Variants in ADAMTSL3 observed in about 807,000 individuals in gnomAD.
ADAMTSL3 encodes ADAMTS-like protein 3.
ADAMTSL3 carries 128 observed loss-of-function variants against 201.7 expected under a neutral mutation model. The observed-to-expected ratio is 0.63, with a 90% CI of 0.55 to 0.73. The LOEUF (loss-of-function observed/expected upper bound fraction) is 0.73, where lower values mean the gene tolerates loss of function less well. Ranked by LOEUF, ADAMTSL3 falls within the 30% of genes least tolerant of loss-of-function variation. The pLI is 0.00. For synonymous variants in ADAMTSL3, 738 were observed against 748.4 expected (o/e 0.99, Z 0.23); for missense variants, 1,990 against 2,119.6 (o/e 0.94, Z 1.20).
intron 2 of ADAMTSL3, among the ~76,000 whole-genome samples, chr15:83,672,185 T>C (rs148744936): frequency 2.0e-5 from 3 of 152,336 alleles, no homozygotes; most frequent in African/African-American, 7.2e-5. Context: ...TGAGGGTTGG[T>C]ATAGCTCATT....
At chr15:83,780,517 G>C (rs546686512) in intron 4 of ADAMTSL3, among the ~76,000 whole-genome samples, 1 of 152,124 alleles carries the variant, frequency 6.6e-6, no homozygotes, top group South Asian at 2.1e-4. Flanking sequence ...TACCAAGTGG[G>C]TGAAAGCTGG....
chr15:83,838,043 C>G (rs770468838), intron 6 of ADAMTSL3, 46 bp from the exon 7 acceptor site: 5 of 1,580,688 alleles, frequency 3.2e-6, no homozygotes, highest in Middle Eastern at 1.7e-4. Flanking sequence ...AGAGCTCCCC[C>G]TCCCCTGGCT....
At chr15:83,948,441 CACACAG>C (rs2066698047) in intron 19 of ADAMTSL3, among the ~76,000 whole-genome samples, 1 of 151,506 alleles carries the variant, frequency 6.6e-6, no homozygotes, top group African/African-American at 2.4e-5. Flanking sequence ...CACACACACA[CACACAG>C]AGTTATGAAT....
intron 4 of ADAMTSL3, among the ~76,000 whole-genome samples, chr15:83,803,028 T>C (rs529101364): frequency 1.6e-4 from 24 of 152,194 alleles, no homozygotes; most frequent in Non-Finnish European, 3.4e-4. Flanking sequence ...AAATAATGCT[T>C]GTATAATGGA....
At chr15:83,819,680 G>T in intron 5 of ADAMTSL3, 131 bp from the exon 6 acceptor site, 63 of 530,574 alleles carry the variant, frequency 1.2e-4, no homozygotes, top group Non-Finnish European at 1.8e-4. Context: ...AAAAAAAAAA[G>T]AGGGAATTAG....
At position 83,712,686 on chromosome 15, in the gene ADAMTSL3, A is replaced by G. The variant is rs573001717; in HGVS notation, c.189+8178A>G. Reference sequence around the variant, plus strand: ...CCTCCTGTCCCTGGGGTCAGCAGTGATAGCTCAGGGCAGTGACTGATGGCC... The same window carrying G: ...CCTCCTGTCCCTGGGGTCAGCAGTGGTAGCTCAGGGCAGTGACTGATGGCC... On this transcript the variant is annotated intron_variant, in intron 3 of 29. Transcript: ENST00000286744. Among the ~76,000 whole-genome samples, 6 of 152,310 alleles carry G rather than the reference A, an allele frequency of 3.9e-5. No individual in the cohort carries two copies. The South Asian group carries it at 1.2e-3, about 32-fold the overall frequency.
intron 3 of ADAMTSL3, among the ~76,000 whole-genome samples, chr15:83,707,756 G>C (rs2061873560): frequency 6.6e-6 from 1 of 152,182 alleles, no homozygotes; most frequent in African/African-American, 2.4e-5. Flanking sequence ...CATTATGTCT[G>C]AGAGATTCAA....
At chr15:83,820,079 T>TGG (rs1477507490) in intron 6 of ADAMTSL3, 32 bp downstream of exon 6, 1 of 1,544,168 alleles carries the variant, frequency 6.5e-7, no homozygotes, top group Admixed American at 1.7e-5. Flanking sequence ...TCCCCTGCTT[T>TGG]GGGGATGTGC....
At chr15:83,752,514 C>T (rs1013836857) in intron 3 of ADAMTSL3, among the ~76,000 whole-genome samples, 1 of 152,158 alleles carries the variant, frequency 6.6e-6, no homozygotes, top group Non-Finnish European at 1.5e-5. Context: ...TACATACACG[C>T]ACAAATTTTC....
intron 4 of ADAMTSL3, among the ~76,000 whole-genome samples, chr15:83,780,406 A>G (rs2063148765): frequency 7.2e-6 from 1 of 138,260 alleles, no homozygotes; most frequent in African/African-American, 2.9e-5. Context: ...GTGAAACTCC[A>G]TTAAAAAAAA....
intron 4 of ADAMTSL3, among the ~76,000 whole-genome samples, chr15:83,796,710 G>A (rs1369681080): frequency 6.6e-6 from 1 of 152,124 alleles, no homozygotes; most frequent in Non-Finnish European, 1.5e-5. Flanking sequence ...TGGCATAGGC[G>A]GGAGTAGCAA....
chr15:84,036,206 T>A (rs947207462), intron 28 of ADAMTSL3, among the ~76,000 whole-genome samples: 10 of 152,272 alleles, frequency 6.6e-5, no homozygotes, highest in Middle Eastern at 3.4e-3. Flanking sequence ...CCATTCTGTT[T>A]TAAAAGGCAA....
chr15:83,963,380 C>T (rs1471481248), intron 19 of ADAMTSL3, among the ~76,000 whole-genome samples: 2 of 152,190 alleles, frequency 1.3e-5, no homozygotes, highest in Non-Finnish European at 2.9e-5. Context: ...ACAGTGTAAA[C>T]AAAGCCTCTG....
intron 9 of ADAMTSL3, among the ~76,000 whole-genome samples, chr15:83,883,963 G>A (rs2065334852): frequency 6.6e-6 from 1 of 151,384 alleles, no homozygotes; most frequent in African/African-American, 2.4e-5. Context: ...TGCGATCTCA[G>A]CTCACTGCAA....
chr15:83,848,121 G>A (rs1419347367), intron 7 of ADAMTSL3, among the ~76,000 whole-genome samples: 1 of 150,058 alleles, frequency 6.7e-6, no homozygotes, highest in Non-Finnish European at 1.5e-5. Context: ...AAAAATACTC[G>A]ACAGAAAATT....
chr15:83,842,142 A>C (rs72746971), intron 7 of ADAMTSL3, among the ~76,000 whole-genome samples: 15,249 of 150,084 alleles, frequency 0.1, 989 homozygotes, highest in East Asian at 0.34. Flanking sequence ...ATGGTACTGG[A>C]AAAAATGGAT....
intron 3 of ADAMTSL3, among the ~76,000 whole-genome samples, chr15:83,771,862 C>CTT (rs76516411): frequency 2.9e-3 from 427 of 148,986 alleles, no homozygotes; most frequent in African/African-American, 6.3e-3. Flanking sequence ...AGCTTTTTTT[C>CTT]TTTTTTTTTT....
intron 23 of ADAMTSL3, among the ~76,000 whole-genome samples, chr15:84,012,738 T>C (rs1393356961): frequency 6.6e-6 from 1 of 152,252 alleles, no homozygotes; most frequent in African/African-American, 2.4e-5. Flanking sequence ...TGGGGCAATG[T>C]CTTTAGAATT....
At chr15:83,952,633 C>T (rs1008044946) in intron 19 of ADAMTSL3, among the ~76,000 whole-genome samples, 1 of 151,958 alleles carries the variant, frequency 6.6e-6, no homozygotes, top group Non-Finnish European at 1.5e-5. Flanking sequence ...GTGTTTAGTG[C>T]ATATATGTTT....
Sources: gnomAD v4.1 joint callset for allele counts (sites outside exome capture counted in the v4.1 genomes callset) on GRCh38, gnomAD v4.1.1 for gene constraint, MANE v1.5 for transcripts, NCBI Gene and HGNC (gene_info 2026-07-23, HGNC 2026-07-21) for gene names.